The following SLC44A5 variants were observed in gnomAD, a reference collection of about 807,000 sequenced individuals.
The protein encoded by SLC44A5 is choline transporter-like protein 5.
SLC44A5 carries 57 observed loss-of-function variants against 101.8 expected under a neutral mutation model. The ratio of observed to expected loss-of-function variants is 0.56; its 90% CI spans 0.45 to 0.70. SLC44A5 has a LOEUF of 0.70. Ranked by LOEUF, SLC44A5 falls within the 30% of genes least tolerant of loss-of-function variation. The pLI, the probability that SLC44A5 is intolerant of heterozygous loss-of-function variation, is 0.00. For missense variants in SLC44A5, 737 were observed against 853.1 expected (o/e 0.86, Z 1.70); for synonymous variants, 281 against 290.9 (o/e 0.97, Z 0.35).
At chr1:75,283,167 A>AT (rs34311674) in intron 5 of SLC44A5, among the ~76,000 whole-genome samples, 71,515 of 150,404 alleles carry the variant, frequency 0.48, 17,591 homozygotes, top group East Asian at 0.88. Context: ...ATCAGCATCT[A>AT]TTTTTTTTTT....
intron 22 of SLC44A5, 75 bp from the exon 23 acceptor site, chr1:75,211,627 A>G: frequency 8.8e-7 from 1 of 1,130,310 alleles, no homozygotes; most frequent in South Asian, 1.3e-5. Context: ...CTATAAATGA[A>G]AGCCATGATG....
At chr1:75,628,042 T>C in the SLC44A5 span, among the ~76,000 whole-genome samples, 1 of 151,682 alleles carries the variant, frequency 6.6e-6, no homozygotes, top group South Asian at 2.1e-4. Context: ...AGCTAGTCTG[T>C]GCCTTGCCTT....
At chr1:75,243,472 A>T (rs1175914991) in intron 7 of SLC44A5, among the ~76,000 whole-genome samples, 1 of 152,048 alleles carries the variant, frequency 6.6e-6, no homozygotes, top group Non-Finnish European at 1.5e-5. Context: ...AAAAAATGAA[A>T]TTTCATGTAC....
At chr1:75,282,308 G>A (rs772418410) in intron 5 of SLC44A5, among the ~76,000 whole-genome samples, 2 of 152,200 alleles carry the variant, frequency 1.3e-5, no homozygotes, top group Non-Finnish European at 1.5e-5. Flanking sequence ...TGGAATGGGT[G>A]TATTAACCCA....
chr1:75,390,114 A>T (rs1661683324), intron 3 of SLC44A5, among the ~76,000 whole-genome samples: 1 of 152,104 alleles, frequency 6.6e-6, no homozygotes, highest in Non-Finnish European at 1.5e-5. Context: ...TCAGGAAGAA[A>T]CTGAAACACT....
intron 3 of SLC44A5, among the ~76,000 whole-genome samples, chr1:75,376,440 T>A (rs1660618201): frequency 6.6e-6 from 1 of 152,184 alleles, no homozygotes; most frequent in Non-Finnish European, 1.5e-5. Flanking sequence ...TGTCCCTGTC[T>A]GACAGCTTTG....
At chr1:75,269,610 T>C (rs2100726079) in intron 6 of SLC44A5, among the ~76,000 whole-genome samples, 1 of 152,264 alleles carries the variant, frequency 6.6e-6, no homozygotes, top group African/African-American at 2.4e-5. Flanking sequence ...TTTTATTTTA[T>C]TTTTATGAAT....
the SLC44A5 span, among the ~76,000 whole-genome samples, chr1:75,709,072 GACCTCCCAATA>G: frequency 1.3e-5 from 2 of 152,098 alleles, no homozygotes; most frequent in African/African-American, 4.8e-5. Context: ...CTATGATTTT[GACCTCCCAATA>G]ACTCAACCAC....
intron 14 of SLC44A5, among the ~76,000 whole-genome samples, chr1:75,220,268 C>G (rs1485268077): frequency 3.3e-5 from 5 of 152,028 alleles, no homozygotes; most frequent in Non-Finnish European, 5.9e-5. Flanking sequence ...TCAAGAATCC[C>G]CTATACTTCT....
At chr1:75,285,375 C>T (rs888830567) in intron 5 of SLC44A5, among the ~76,000 whole-genome samples, 1 of 151,920 alleles carries the variant, frequency 6.6e-6, no homozygotes, top group African/African-American at 2.4e-5. Flanking sequence ...CTTCTCTCTT[C>T]TTGATTAATC....
chr1:75,659,773 AG>A, the SLC44A5 span, among the ~76,000 whole-genome samples: 2 of 152,070 alleles, frequency 1.3e-5, no homozygotes, highest in Non-Finnish European at 2.9e-5. Flanking sequence ...AAAAAAGAAA[AG>A]AAAACTACAG....
the SLC44A5 span, among the ~76,000 whole-genome samples, chr1:75,680,535 C>T: frequency 6.6e-6 from 1 of 150,610 alleles, no homozygotes; most frequent in Non-Finnish European, 1.5e-5. Context: ...GAAATGAAGG[C>T]AGAAATAAAG....
At chr1:75,559,057 G>A (rs1672372851) in intron 1 of SLC44A5, among the ~76,000 whole-genome samples, 1 of 151,852 alleles carries the variant, frequency 6.6e-6, no homozygotes, top group African/African-American at 2.4e-5. Context: ...ATGAAACCAT[G>A]AAACAATAAG....
intron 2 of SLC44A5, among the ~76,000 whole-genome samples, chr1:75,523,338 T>C (rs1267674854): frequency 6.6e-6 from 1 of 152,166 alleles, no homozygotes; most frequent in Non-Finnish European, 1.5e-5. Context: ...CTACCATTTC[T>C]GTTATGTTAG....
At chr1:75,410,988 G>T (rs1663239767) in intron 2 of SLC44A5, among the ~76,000 whole-genome samples, 1 of 151,960 alleles carries the variant, frequency 6.6e-6, no homozygotes, top group Non-Finnish European at 1.5e-5. Flanking sequence ...TAGTGCATGG[G>T]GTGTAATCAT....
intron 7 of SLC44A5, among the ~76,000 whole-genome samples, chr1:75,250,255 T>C (rs573416837): frequency 6.6e-6 from 1 of 152,248 alleles, no homozygotes; most frequent in Non-Finnish European, 1.5e-5. Flanking sequence ...ACGTGGCATT[T>C]GGTTTTCTGT....
At chr1:75,583,183 C>T (rs1173347519) in intron 1 of SLC44A5, among the ~76,000 whole-genome samples, 1 of 152,130 alleles carries the variant, frequency 6.6e-6, no homozygotes, top group African/African-American at 2.4e-5. Context: ...TTTTATACTC[C>T]TTTCTTCTCT....
In SLC44A5 at chr1:75,316,854, T is replaced by C. The variant is rs147751978; in HGVS notation, c.102-16169A>G. ...AATGCTTATTCACTACCAGGGCACA[T>C]GGCCACAGTAAGTCTTGATGTGCAT... On this transcript the variant is annotated intron_variant, in intron 4 of 23. Coordinates refer to ENST00000370859, the MANE Select transcript of SLC44A5 (RefSeq NM_001130058.2). 2.0e-5 allele frequency among the ~76,000 whole-genome samples: 3 copies of C among 152,328 alleles called. No individual in the cohort carries two copies. In the East Asian group the frequency reaches 5.8e-4, roughly 29 times the overall value.
chr1:75,289,907 G>A (rs771393523), intron 5 of SLC44A5, among the ~76,000 whole-genome samples: 1 of 152,166 alleles, frequency 6.6e-6, no homozygotes, highest in South Asian at 2.1e-4. Context: ...GGAAGTTTGA[G>A]AAATAACTAC....
Sources: gnomAD v4.1 joint callset for allele counts (sites outside exome capture counted in the v4.1 genomes callset) on GRCh38, gnomAD v4.1.1 for gene constraint, MANE v1.5 for transcripts, NCBI Gene and HGNC (gene_info 2026-07-23, HGNC 2026-07-21) for gene names.